The following LIMS1 variants were observed in gnomAD, a reference collection of about 807,000 sequenced individuals.
The protein encoded by LIMS1 is LIM and senescent cell antigen-like-containing domain protein 1.
A neutral mutation model predicts 44.1 loss-of-function variants in LIMS1; 18 were observed. The observed-to-expected ratio is 0.41, with a 90% CI of 0.28 to 0.61. The LOEUF (loss-of-function observed/expected upper bound fraction) is 0.61, where lower values mean the gene tolerates loss of function less well. LIMS1 is among the 20% of genes least tolerant of loss of function. The probability of loss-of-function intolerance (pLI) is 0.32; values close to 1 mark genes in which losing one functional copy is unlikely to be tolerated. For missense variants in LIMS1, 201 were observed against 422.0 expected (o/e 0.48, Z 4.59); for synonymous variants, 93 against 149.1 (o/e 0.62, Z 2.74).
chr2:108,630,966 A>G (rs1688886802), intron 1 of LIMS1, among the ~76,000 whole-genome samples: 2 of 152,242 alleles, frequency 1.3e-5, no homozygotes, highest in Non-Finnish European at 2.9e-5. Context: ...ATTCAGAAAA[A>G]TGAACATCTC....
chr2:108,581,724 G>C (rs567764314), intron 1 of LIMS1, among the ~76,000 whole-genome samples: 1 of 152,196 alleles, frequency 6.6e-6, no homozygotes, highest in South Asian at 2.1e-4. Context: ...GATCACCTGA[G>C]GTCAGGAGTT....
intron 1 of LIMS1, among the ~76,000 whole-genome samples, chr2:108,646,647 T>C (rs1251928109): frequency 6.6e-6 from 1 of 151,784 alleles, no homozygotes; most frequent in Non-Finnish European, 1.5e-5. Context: ...GAAAAGGAGA[T>C]AGATACACGA....
chr2:108,601,296 C>G (rs1687001950), intron 1 of LIMS1, among the ~76,000 whole-genome samples: 1 of 152,120 alleles, frequency 6.6e-6, no homozygotes, highest in South Asian at 2.1e-4. Flanking sequence ...GGATTCATCA[C>G]CAGACCGGGA....
intron 1 of LIMS1, among the ~76,000 whole-genome samples, chr2:108,551,477 A>G (rs1316373386): frequency 8.4e-6 from 1 of 119,024 alleles, no homozygotes; most frequent in East Asian, 2.5e-4. Context: ...CTATATACAT[A>G]TATGCGCGCG....
chr2:108,550,032 G>A (rs950610700), intron 1 of LIMS1, among the ~76,000 whole-genome samples: 1 of 151,946 alleles, frequency 6.6e-6, no homozygotes, highest in African/African-American at 2.4e-5. Context: ...ATATCCTAGA[G>A]TTTAGTGAAA....
intron 1 of LIMS1, among the ~76,000 whole-genome samples, chr2:108,628,964 T>G (rs1052259718): frequency 6.6e-6 from 1 of 152,330 alleles, no homozygotes; most frequent in Admixed American, 6.5e-5. Context: ...GAATACTTAT[T>G]TGACCATCTA....
chr2:108,575,113 A>G (rs1434245517), intron 1 of LIMS1, among the ~76,000 whole-genome samples: 1 of 152,116 alleles, frequency 6.6e-6, no homozygotes, highest in Non-Finnish European at 1.5e-5. Flanking sequence ...TTTCTTAGTA[A>G]CACGCCTCAA....
chr2:108,609,888 A>G (rs1318013548), intron 1 of LIMS1, among the ~76,000 whole-genome samples: 1 of 152,118 alleles, frequency 6.6e-6, no homozygotes, highest in Non-Finnish European at 1.5e-5. Flanking sequence ...CATGCCTGTA[A>G]TCCCAGCACT....
intron 1 of LIMS1, among the ~76,000 whole-genome samples, chr2:108,599,209 G>C (rs1283880799): frequency 6.6e-6 from 1 of 151,944 alleles, no homozygotes; most frequent in African/African-American, 2.4e-5. Context: ...CACAGCCTCT[G>C]GTAATCATCT....
intron 1 of LIMS1, among the ~76,000 whole-genome samples, chr2:108,591,258 G>A (rs1022391262): frequency 2.6e-5 from 4 of 152,152 alleles, no homozygotes; most frequent in Non-Finnish European, 4.4e-5. Context: ...GGACACAAAG[G>A]TGACTGAGAA....
At chr2:108,574,697 TCACA>T (rs1420053978) in intron 1 of LIMS1, among the ~76,000 whole-genome samples, 7 of 152,242 alleles carry the variant, frequency 4.6e-5, no homozygotes, top group African/African-American at 1.7e-4. Flanking sequence ...AATGTGAAGC[TCACA>T]GATGTTAAAT....
At chr2:108,537,363 G>T (rs1248833398) in intron 1 of LIMS1, among the ~76,000 whole-genome samples, 1 of 152,224 alleles carries the variant, frequency 6.6e-6, no homozygotes, top group Non-Finnish European at 1.5e-5. Context: ...CAAATACAAG[G>T]TTTCTCTTAA....
chr2:108,667,554 AT>A (rs1429445983), intron 2 of LIMS1, among the ~76,000 whole-genome samples: 35 of 76,140 alleles, frequency 4.6e-4, no homozygotes, highest in Middle Eastern at 7.4e-3. Context: ...AAAAAAAAAT[AT>A]ATATATATAT....
At chr2:108,578,549 C>T (rs1685756850) in intron 1 of LIMS1, among the ~76,000 whole-genome samples, 1 of 150,022 alleles carries the variant, frequency 6.7e-6, no homozygotes, top group Non-Finnish European at 1.5e-5. Flanking sequence ...TTATCATAAG[C>T]TTAAGAAATG....
chr2:108,604,221 CT>C (rs368024058), intron 1 of LIMS1, among the ~76,000 whole-genome samples: 11 of 151,738 alleles, frequency 7.2e-5, no homozygotes, highest in African/African-American at 2.7e-4. Context: ...ATATTTTGAC[CT>C]TTTTTAATGG....
At chr2:108,577,948 C>T (rs1393826718) in intron 1 of LIMS1, among the ~76,000 whole-genome samples, 3 of 152,136 alleles carry the variant, frequency 2.0e-5, no homozygotes, top group Non-Finnish European at 2.9e-5. Flanking sequence ...CTTGTTCTGT[C>T]GCCCGATCTA....
At position 108,536,219 on chromosome 2, in the gene LIMS1, A is replaced by G. The variant is rs183686261; in HGVS notation, c.32+1625A>G. On this transcript the variant is annotated intron_variant, in intron 1 of 9. Coordinates refer to ENST00000544547, the Ensembl canonical transcript of LIMS1. Reference sequence around the variant, plus strand: ...TAATTTACTTTTTGGAGGGAGAGTAATAAGTTCATTCAAATTATTGTGCAT... The same window carrying G: ...TAATTTACTTTTTGGAGGGAGAGTAGTAAGTTCATTCAAATTATTGTGCAT... Among the ~76,000 whole-genome samples, 472 of 152,314 alleles carry G rather than the reference A, an allele frequency of 3.1e-3. 1 individual carries two copies. Among genetic ancestry groups the G allele is most frequent in the Non-Finnish European group, 3.2e-3 (221 of 68,032 alleles).
At chr2:108,558,007 C>G (rs561814658) in intron 1 of LIMS1, among the ~76,000 whole-genome samples, 12 of 152,268 alleles carry the variant, frequency 7.9e-5, no homozygotes, top group African/African-American at 2.4e-4. Context: ...AATACAAGAT[C>G]TCACAGTTCT....
intron 1 of LIMS1, among the ~76,000 whole-genome samples, chr2:108,611,018 G>A (rs1172945122): frequency 2.0e-5 from 3 of 152,194 alleles, no homozygotes; most frequent in African/African-American, 7.2e-5. Context: ...ATACCACATT[G>A]TGTTTAGCCG....
Sources: gnomAD v4.1 joint callset for allele counts (sites outside exome capture counted in the v4.1 genomes callset) on GRCh38, gnomAD v4.1.1 for gene constraint, MANE v1.5 for transcripts, NCBI Gene and HGNC (gene_info 2026-07-23, HGNC 2026-07-21) for gene names.